PCDHGB5: variants seen among roughly 807,000 people sequenced by gnomAD.
PCDHGB5 encodes the protein protocadherin gamma-B5.
PCDHGB5 carries 48 observed loss-of-function variants against 62.9 expected under a neutral mutation model. The ratio of observed to expected loss-of-function variants is 0.76; its 90% CI spans 0.61 to 0.97. The LOEUF is 0.97. PCDHGB5 is among the 50% of genes least tolerant of loss of function. PCDHGB5 has a pLI of 0.00. For missense variants in PCDHGB5, 1,118 were observed against 1,198.6 expected, an observed-to-expected ratio of 0.93 and a Z score of 0.99; for synonymous variants, 474 against 511.2, an observed-to-expected ratio of 0.93 and a Z score of 0.98.
At position 141,486,873 on chromosome 5, in the gene PCDHGB5, G is replaced by A. The variant is rs769661146; in HGVS notation, c.2398-7934G>A. On this transcript the variant is annotated intron_variant, in intron 1 of 3. Transcript: ENST00000617380. This position sits in a 1 kb window ranked among gnomAD's most constrained non-coding sequence, Gnocchi z 5.0. ...AATGACAATGCTCCAGCTGTGCTCCGTCCTCGGGCCCGGCCTGGTTCCTTA... is the reference window on the plus strand; with the variant it reads ...AATGACAATGCTCCAGCTGTGCTCCATCCTCGGGCCCGGCCTGGTTCCTTA... 1.6e-5 allele frequency: 26 copies of A among 1,614,082 alleles called. No individual in the cohort carries two copies. Among genetic ancestry groups the A allele is most frequent in the African/African-American group, 4.0e-5 (3 of 74,922 alleles).
intron 1 of PCDHGB5, among the ~76,000 whole-genome samples, chr5:141,451,717 A>G (rs2098722445): frequency 6.6e-6 from 1 of 152,166 alleles, no homozygotes; most frequent in Non-Finnish European, 1.5e-5. Context: ...CCCTGCCTCT[A>G]CTAAAAATAC....
chr5:141,400,296 C>T lies in PCDHGB5; in HGVS notation c.2169C>T (p.Phe723=), dbSNP rs2093998279. The T allele has an allele frequency of 6.2e-7, 1 of 1,614,076 alleles. No homozygotes were observed. ...CCAGCCCTGCCGCCTGGAGCTGCTT[C>T]CAACCTGGTCTCTGTGTCAAGTCTG... The part of the protein sequence containing the change: ...RSSSPAAWSC[F]QPGLCVKSGP... Residue 723 remains phenylalanine (F), a synonymous_variant, in exon 1 of 4, where the codon TTC becomes TTT. Coordinates refer to ENST00000617380, the MANE Select transcript of PCDHGB5 (RefSeq NM_018925.3).
chr5:141,430,369 A>G (rs564811230), intron 1 of PCDHGB5, among the ~76,000 whole-genome samples: 1 of 151,582 alleles, frequency 6.6e-6, no homozygotes, highest in East Asian at 1.9e-4. Flanking sequence ...ATTGGGGAAA[A>G]AAAAGCTCAT....
intron 1 of PCDHGB5, chr5:141,405,556 C>T: frequency 1.6e-6 from 1 of 619,826 alleles, no homozygotes; most frequent in East Asian, 2.7e-5. Context: ...AGTAGAGTAG[C>T]TGGGACTAGA....
intron 1 of PCDHGB5, among the ~76,000 whole-genome samples, chr5:141,449,310 A>G (rs1006876700): frequency 4.6e-5 from 7 of 152,112 alleles, no homozygotes; most frequent in Non-Finnish European, 7.4e-5. Context: ...TATGTATTAT[A>G]TAATTGTATC....
At chr5:141,403,208 A>T (rs763459005) in intron 1 of PCDHGB5, 2 of 1,613,962 alleles carry the variant, frequency 1.2e-6, no homozygotes, top group Non-Finnish European at 1.7e-6. Flanking sequence ...CACCTTGGTC[A>T]CCGCGGGTAG....
At chr5:141,452,858 T>C (rs904455495) in intron 1 of PCDHGB5, among the ~76,000 whole-genome samples, 1 of 152,202 alleles carries the variant, frequency 6.6e-6, no homozygotes. Flanking sequence ...GGGGAGATGA[T>C]TTTCTAACTC....
intron 1 of PCDHGB5, among the ~76,000 whole-genome samples, chr5:141,482,072 C>G (rs1010432509): frequency 1.5e-5 from 2 of 133,436 alleles, no homozygotes; most frequent in African/African-American, 5.9e-5. Flanking sequence ...GCAACAAGAA[C>G]AAAACTCACT....
chr5:141,420,789 C>G (rs1403213574), intron 1 of PCDHGB5, among the ~76,000 whole-genome samples: 2 of 152,198 alleles, frequency 1.3e-5, no homozygotes, highest in Non-Finnish European at 2.9e-5. Flanking sequence ...ATTTTGAAAA[C>G]TTTTTAAAAA....
Position 141,398,941 on chromosome 5 carries a change from G to A in PCDHGB5, c.814G>A (p.Gly272Ser). 4.3e-6 allele frequency: 7 copies of A among 1,613,890 alleles called. No homozygotes were observed. The highest frequency in any genetic ancestry group is 5.9e-6 in the Non-Finnish European group (7 of 1,179,892). ...AGTGTCAGCCACTGACCAAGACGAG[G>A]GCATCAACTCAGAAATTACTTATTC... is the stretch of plus-strand genomic sequence containing the variant. ...LQVSATDQDE[G>S]INSEITYSFY... is the part of the protein sequence containing the mutation. Residue 272 changes from glycine (G) to serine (S), a missense_variant, in exon 1 of 4, where the codon GGC becomes AGC. Physicochemically the swap from Gly to Ser is moderately conservative, Grantham distance 56. Transcript: ENST00000617380.
chr5:141,460,959 A>G (rs892536901), intron 1 of PCDHGB5, among the ~76,000 whole-genome samples: 2 of 126,082 alleles, frequency 1.6e-5, no homozygotes, highest in African/African-American at 7.1e-5. Context: ...ATGTATATAT[A>G]TATGTGTGTG....
chr5:141,405,370 G>T (rs2094649512), intron 1 of PCDHGB5: 1 of 1,606,236 alleles, frequency 6.2e-7, no homozygotes, highest in Non-Finnish European at 8.5e-7. Context: ...ACACCCCTTT[G>T]GTTCCGGTGA....
intron 1 of PCDHGB5, chr5:141,441,810 C>T (rs2098275091): frequency 6.4e-5 from 24 of 372,574 alleles, no homozygotes; most frequent in Middle Eastern, 7.2e-4. Flanking sequence ...GGTGCTGTAC[C>T]CCAGCTCTGG....
intron 2 of PCDHGB5, among the ~76,000 whole-genome samples, chr5:141,495,645 C>T (rs2099762719): frequency 6.6e-6 from 1 of 152,208 alleles, no homozygotes; most frequent in South Asian, 2.1e-4. Context: ...CATTTGTCTA[C>T]TTGCATTGAT....
chr5:141,466,933 C>A (rs1305734739), intron 1 of PCDHGB5, among the ~76,000 whole-genome samples: 1 of 152,100 alleles, frequency 6.6e-6, no homozygotes, highest in Non-Finnish European at 1.5e-5. Context: ...GAATATTAGT[C>A]CTTTGTCCAG....
chr5:141,491,817 G>T lies in PCDHGB5; in HGVS notation c.2398-2990G>T. On this transcript the variant is annotated intron_variant, in intron 1 of 3. Transcript: ENST00000617380. The surrounding 1 kb of genome is among the most constrained non-coding windows in gnomAD (Gnocchi z 6.9). ...TCTCCGGCCGGCTTGGTCGCTGGCT[G>T]CGCTCCACCCGATTCTCGGGATCAT... 1.3e-6 allele frequency: 2 copies of T among 1,484,188 alleles called. No homozygotes were observed. The highest frequency in any genetic ancestry group is 1.8e-6 in the Non-Finnish European group (2 of 1,117,664). 91.9% of individuals were successfully genotyped at this position (1,484,188 alleles called of 1,614,324 possible).
Position 141,485,172 on chromosome 5 carries a change from C to A in PCDHGB5, c.2398-9635C>A. ...CAAGTAGAGAATTAGCGGGCGGCAG[C>A]AATGCTCCGCAAGGTGAGAAGCTGG... On this transcript the variant is annotated intron_variant, in intron 1 of 3. Transcript: ENST00000617380. The surrounding 1 kb of genome is among the most constrained non-coding windows in gnomAD (Gnocchi z 5.7). 6.2e-7 allele frequency: 1 copy of A among 1,610,164 alleles called. No individual in the cohort carries two copies. The highest frequency in any genetic ancestry group is 8.5e-7 in the Non-Finnish European group (1 of 1,176,940).
intron 2 of PCDHGB5, among the ~76,000 whole-genome samples, chr5:141,499,800 C>A (rs2099794584): frequency 6.6e-6 from 1 of 150,704 alleles, no homozygotes; most frequent in Admixed American, 6.7e-5. Context: ...AATTCTCATG[C>A]TTCAGCCTCC....
At position 141,434,771 on chromosome 5, in the gene PCDHGB5, TA is replaced by T. The variant is rs36031641; in HGVS notation, c.2397+34260del. On this transcript the variant is annotated intron_variant, in intron 1 of 3. Transcript: ENST00000617380. ...CCCCTGATTCCCCACTTCACACTTC[TA>T]AAAAAAAAAAAATTTTTTTTTCTGA... 2.5e-3 allele frequency among the ~76,000 whole-genome samples: 362 copies of T among 145,286 alleles called. 1 individual carries two copies. The highest frequency in any genetic ancestry group is 0.011 in the Middle Eastern group (3 of 280).
Sources: allele counts gnomAD v4.1 joint callset (sites outside exome capture counted in the v4.1 genomes callset), GRCh38; gene constraint gnomAD v4.1.1; non-coding constraint Gnocchi (gnomAD v3.1); transcripts MANE v1.5; gene names NCBI Gene and HGNC (gene_info 2026-07-23, HGNC 2026-07-21).